The following CEMIP variants were observed in gnomAD, a reference collection of about 807,000 sequenced individuals.
CEMIP encodes cell migration inducing hyaluronidase 1.
Under a neutral mutation model 156.9 loss-of-function variants are expected in CEMIP, and 105 were observed. That is an observed-to-expected ratio of 0.67 (90% CI 0.57 to 0.79). CEMIP has a LOEUF of 0.79. Ranked by LOEUF, CEMIP falls within the 30% of genes least tolerant of loss-of-function variation. The pLI is 0.00. For missense variants in CEMIP, 1,457 were observed against 1,769.4 expected, an observed-to-expected ratio of 0.82 and a Z score of 3.17; for synonymous variants, 676 against 668.4, an observed-to-expected ratio of 1.01 and a Z score of -0.17.
Position 80,933,304 on chromosome 15 carries a change from T to A in CEMIP, c.2853T>A (p.Asp951Glu). The A allele has an allele frequency of 6.2e-7, 1 of 1,614,142 alleles. No individual in the cohort carries two copies. The highest frequency in any genetic ancestry group is 8.5e-7 in the Non-Finnish European group (1 of 1,180,022). ...PGPWFNQLDM[D>E]GDKTSVFHDV... ...CCTGGTTCAACCAGCTGGACATGGA[T>A]GGGGATAAGACATCTGTGTTCCATG... The change falls in exon 23 of 30, where the codon GAT becomes GAA. Residue 951 changes from aspartate (D) to glutamate (E), a missense_variant. Coordinates refer to ENST00000394685, the MANE Select transcript of CEMIP (RefSeq NM_001293298.2).
chr15:80,895,567 G>C (rs1259509802), intron 11 of CEMIP, among the ~76,000 whole-genome samples: 1 of 152,112 alleles, frequency 6.6e-6, no homozygotes, highest in South Asian at 2.1e-4. Flanking sequence ...TAGTTGAGAG[G>C]AACTATATTT....
chr15:80,912,228 AG>A (rs1900098148), intron 14 of CEMIP, among the ~76,000 whole-genome samples: 1 of 152,230 alleles, frequency 6.6e-6, no homozygotes, highest in Admixed American at 6.5e-5. Context: ...GCAGCAGTTC[AG>A]GGGTAGCCCA....
Position 80,949,694 on chromosome 15 carries a change from G to A in CEMIP, c.*770G>A, listed in dbSNP as rs937765066. 1 of 154,342 alleles carries A rather than the reference G, an allele frequency of 6.5e-6. No individual in the cohort carries two copies. The highest frequency in any genetic ancestry group is 1.4e-5 in the Non-Finnish European group (1 of 69,388). 9.6% of individuals were successfully genotyped at this position (154,342 alleles called of 1,614,324 possible). On this transcript the variant is annotated 3_prime_UTR_variant, in exon 30 of 30. Transcript: ENST00000394685. ...TGAGAACTAATGCCTAGCTTGAGGG[G>A]TCTGCAGTCCAGTAGGGCAGGCAGT...
At position 80,932,922 on chromosome 15, in the gene CEMIP, C is replaced by T. The variant is rs1233845888; in HGVS notation, c.2794-323C>T. Among the ~76,000 whole-genome samples the T allele has an allele frequency of 2.0e-5, 3 of 152,304 alleles. No individual in the cohort carries two copies. Among genetic ancestry groups the T allele is most frequent in the South Asian group, 2.1e-4 (1 of 4,826 alleles). Reference sequence around the variant, plus strand: ...CTCACACACAGTCACACTCACAGTCCTCAGTCCCCCTCCTCCATCTCTGCA... The same window carrying T: ...CTCACACACAGTCACACTCACAGTCTTCAGTCCCCCTCCTCCATCTCTGCA... On this transcript the variant is annotated intron_variant, in intron 22 of 29. Transcript: ENST00000394685. The surrounding 1 kb of genome is among the most constrained non-coding windows in gnomAD (Gnocchi z 4.5).
At chr15:80,832,712 C>T (rs1030424752) in intron 1 of CEMIP, among the ~76,000 whole-genome samples, 4 of 152,270 alleles carry the variant, frequency 2.6e-5, no homozygotes, top group Admixed American at 1.3e-4. Flanking sequence ...CTGGAAAATT[C>T]ACATTAAAAT....
rs768429902 is a variant in CEMIP, at chr15:80,779,568, G to T, written c.-222G>T. On this transcript the variant is annotated 5_prime_UTR_variant, in exon 1 of 30. Transcript: ENST00000394685. ...GCGACCAGACGTCCGGGGCCGCTGC[G>T]CTCCTGGCCCGCGAGGCGTGACACT... is the stretch of plus-strand genomic sequence containing the variant. The T allele has an allele frequency of 6.6e-6, 1 of 152,308 alleles. No homozygotes were observed. The highest frequency in any genetic ancestry group is 2.4e-5 in the African/African-American group (1 of 41,578). The allele number at this position is 152,308 out of a possible 1,614,324, so 9.4% of individuals were successfully genotyped here.
intron 18 of CEMIP, 32 bp from the exon 19 acceptor site, chr15:80,925,592 C>T (rs1398593770): frequency 6.2e-7 from 1 of 1,608,570 alleles, no homozygotes; most frequent in Non-Finnish European, 8.5e-7. Flanking sequence ...CCCAACACCG[C>T]CACCTGTGCC....
intron 1 of CEMIP, among the ~76,000 whole-genome samples, chr15:80,831,395 G>A (rs1056115281): frequency 5.3e-5 from 8 of 152,138 alleles, no homozygotes; most frequent in Non-Finnish European, 1.2e-4. Flanking sequence ...AGAGCTCGAT[G>A]GGCTCAGTGG....
intron 12 of CEMIP, among the ~76,000 whole-genome samples, chr15:80,903,920 G>A (rs948157957): frequency 2.0e-5 from 3 of 152,234 alleles, no homozygotes; most frequent in Non-Finnish European, 2.9e-5. Flanking sequence ...AAGGAGCCCT[G>A]CTTCTGGATC....
At chr15:80,823,786 G>C (rs1157888446) in intron 1 of CEMIP, among the ~76,000 whole-genome samples, 1 of 152,198 alleles carries the variant, frequency 6.6e-6, no homozygotes, top group East Asian at 1.9e-4. Context: ...GGCACTTCCA[G>C]AAGGTGAAAT....
intron 1 of CEMIP, among the ~76,000 whole-genome samples, chr15:80,809,895 C>G (rs1425624284): frequency 1.3e-5 from 2 of 152,210 alleles, no homozygotes; most frequent in African/African-American, 4.8e-5. Context: ...TCTAGGTTCT[C>G]TTTCTGCAAC....
In CEMIP at chr15:80,931,876, G is replaced by T. The variant is rs141395577; in HGVS notation, c.2630G>T (p.Gly877Val). 8.1e-6 allele frequency: 13 copies of T among 1,613,980 alleles called. No homozygotes were observed. The highest frequency in any genetic ancestry group is 1.0e-5 in the Non-Finnish European group (12 of 1,180,018). Reference protein sequence around the residue: ...LPIGQNFPIRGIQLYDGPINI... With the variant: ...LPIGQNFPIRVIQLYDGPINI... The stretch of plus-strand genomic sequence containing the variant: ...CTCCGTAGGAATTTTCCAATTAGAG[G>T]AATTCAGTTATATGATGGCCCCATC... Residue 877 changes from glycine (G) to valine (V), a missense_variant, in exon 22 of 30, where the codon GGA becomes GTA. Gly to Val is a moderately radical substitution (Grantham distance 109, BLOSUM62 -3). This residue lies in a region of CEMIP where 798 missense variants were observed against 980.1 expected (regional missense o/e 0.81). Coordinates refer to ENST00000394685, the MANE Select transcript of CEMIP (RefSeq NM_001293298.2).
chr15:80,908,958 G>A, intron 13 of CEMIP, 139 bp from the exon 14 acceptor site: 1 of 841,318 alleles, frequency 1.2e-6, no homozygotes, highest in Non-Finnish European at 2.0e-6. Flanking sequence ...CCCATTTGCA[G>A]AGAATATCTT....
intron 1 of CEMIP, among the ~76,000 whole-genome samples, chr15:80,870,718 C>T (rs1336821538): frequency 6.6e-6 from 1 of 152,226 alleles, no homozygotes; most frequent in Non-Finnish European, 1.5e-5. Context: ...ACCATGGGGA[C>T]TGAGCAGCAG....
chr15:80,874,226 GC>G (rs1366618149), intron 3 of CEMIP, among the ~76,000 whole-genome samples: 3 of 152,246 alleles, frequency 2.0e-5, no homozygotes, highest in Admixed American at 6.5e-5. Flanking sequence ...CAGAAGCCAG[GC>G]CCCTGACACA....
At chr15:80,802,299 T>G (rs12437666) in intron 1 of CEMIP, among the ~76,000 whole-genome samples, 16,353 of 152,330 alleles carry the variant, frequency 0.11, 1,339 homozygotes, top group East Asian at 0.46. Context: ...CATGGCTGCA[T>G]GTCCTGAAGC....
intron 1 of CEMIP, among the ~76,000 whole-genome samples, chr15:80,873,275 C>G (rs188247041): frequency 1.3e-5 from 2 of 152,240 alleles, no homozygotes; most frequent in Admixed American, 1.3e-4. Flanking sequence ...ACATCTTCCT[C>G]CTAGATAGAT....
chr15:80,810,648 C>T (rs140682190), intron 1 of CEMIP, among the ~76,000 whole-genome samples: 1 of 152,226 alleles, frequency 6.6e-6, no homozygotes, highest in African/African-American at 2.4e-5. Context: ...AGCCACCATG[C>T]CCGGCCTACC....
At chr15:80,923,540 G>A (rs1900550616) in intron 17 of CEMIP, among the ~76,000 whole-genome samples, 1 of 152,154 alleles carries the variant, frequency 6.6e-6, no homozygotes, top group Non-Finnish European at 1.5e-5. Flanking sequence ...TAACAAGCAG[G>A]CATGCAAGGG....
Sources: allele counts gnomAD v4.1 joint callset (sites outside exome capture counted in the v4.1 genomes callset), GRCh38; gene constraint gnomAD v4.1.1; regional missense constraint gnomAD v4.1.1; non-coding constraint Gnocchi (gnomAD v3.1); transcripts MANE v1.5; gene names NCBI Gene and HGNC (gene_info 2026-07-23, HGNC 2026-07-21).